The following ZFHX4 variants were observed in gnomAD, a reference collection of about 807,000 sequenced individuals.
The protein encoded by ZFHX4 is zinc finger homeobox 4, also known as zinc finger homeobox protein 4.
ZFHX4 carries 56 observed loss-of-function variants against 267.6 expected under a neutral mutation model. That is an observed-to-expected ratio of 0.21 (90% CI 0.17 to 0.26). The LOEUF is 0.26. Ranked by LOEUF, ZFHX4 falls within the 10% of genes least tolerant of loss-of-function variation. ZFHX4 has a pLI of 1.00. For missense variants in ZFHX4, 4,332 were observed against 4,420.0 expected, an observed-to-expected ratio of 0.98 and a Z score of 0.56; for synonymous variants, 1,778 against 1,665.6, an observed-to-expected ratio of 1.07 and a Z score of -1.64.
At chr8:76,833,630 C>A (rs572861871) in intron 5 of ZFHX4, 1 of 446,266 alleles carries the variant, frequency 2.2e-6, no homozygotes, top group Admixed American at 3.6e-5. Flanking sequence ...CAGCAAATTT[C>A]CCCAATACCC....
At chr8:76,795,435 G>C (rs1810953389) in intron 4 of ZFHX4, among the ~76,000 whole-genome samples, 1 of 151,870 alleles carries the variant, frequency 6.6e-6, no homozygotes, top group Admixed American at 6.6e-5. Flanking sequence ...CACCATGCCT[G>C]GCTAATTATT....
chr8:76,726,070 T>C lies in ZFHX4; in HGVS notation c.3093+18022T>C, dbSNP rs547203475. ...GACACTGGTGTGAAGCCTTTGAGTG[T>C]ACCTTCACGAAGAGCTCAAATGAAT... On this transcript the variant is annotated intron_variant, in intron 3 of 10. Transcript: ENST00000651372. Among the ~76,000 whole-genome samples, 3 of 152,270 alleles carry C rather than the reference T, an allele frequency of 2.0e-5. No individual in the cohort carries two copies. In the South Asian group the frequency reaches 6.2e-4, roughly 32 times the overall value.
At chr8:76,751,348 A>G (rs1479732541) in intron 3 of ZFHX4, among the ~76,000 whole-genome samples, 3 of 152,208 alleles carry the variant, frequency 2.0e-5, no homozygotes, top group African/African-American at 7.2e-5. Context: ...ATGGAAATTT[A>G]TTAGGCTTAA....
In ZFHX4 at chr8:76,854,473, G is replaced by A; in HGVS notation, c.7552G>A (p.Ala2518Thr). ...WQEHQHMHFL[A>T]AQNQFLHSPF... ...GGAACACCAGCACATGCACTTCCTT[G>A]CTGCTCAAAACCAATTCCTTCACTC... Residue 2518 changes from alanine (A) to threonine (T), a missense_variant, in exon 10 of 11, where the codon GCT becomes ACT. Coordinates refer to ENST00000651372, the MANE Select transcript of ZFHX4 (RefSeq NM_024721.5). The A allele has an allele frequency of 2.5e-6, 4 of 1,613,734 alleles. No individual in the cohort carries two copies. The highest frequency in any genetic ancestry group is 3.4e-6 in the Non-Finnish European group (4 of 1,179,834).
At chr8:76,834,156 T>G (rs748447965) in intron 5 of ZFHX4, 92 of 450,522 alleles carry the variant, frequency 2.0e-4, no homozygotes, top group Non-Finnish European at 3.8e-4. Flanking sequence ...TCTTGGTTGA[T>G]TCCAAGTTTT....
intron 3 of ZFHX4, among the ~76,000 whole-genome samples, chr8:76,715,383 G>A (rs1808538446): frequency 6.7e-6 from 1 of 150,274 alleles, no homozygotes; most frequent in African/African-American, 2.4e-5. Context: ...TCGGGAGGCT[G>A]AGGCAGGAGA....
In ZFHX4 at chr8:76,705,952, T is replaced by A; in HGVS notation, c.1864T>A (p.Leu622Met). The A allele has an allele frequency of 1.2e-6, 2 of 1,613,330 alleles. No individual in the cohort carries two copies. Reference sequence around the variant, plus strand: ...CGAGTGTCCAAAGTGCGACACTGTGTTGGGGTCTTCGAGGTCTCTTGGTGG... The same window carrying A: ...CGAGTGTCCAAAGTGCGACACTGTGATGGGGTCTTCGAGGTCTCTTGGTGG... ...GIECPKCDTV[L>M]GSSRSLGGHM... Residue 622 changes from leucine (L) to methionine (M), a missense_variant, in exon 2 of 11, where the codon TTG becomes ATG. Physicochemically the swap from Leu to Met is conservative, Grantham distance 15 (BLOSUM62 2). Transcript: ENST00000651372.
intron 3 of ZFHX4, among the ~76,000 whole-genome samples, chr8:76,755,512 T>A (rs919741168): frequency 2.6e-5 from 4 of 152,196 alleles, no homozygotes; most frequent in Admixed American, 1.3e-4. Context: ...ATAGGTAATA[T>A]AAAAGCGCGG....
At chr8:76,845,908 G>C (rs1193819592) in intron 6 of ZFHX4, among the ~76,000 whole-genome samples, 2 of 151,368 alleles carry the variant, frequency 1.3e-5, no homozygotes, top group East Asian at 3.9e-4. Flanking sequence ...CATTTTTTTT[G>C]AGGATATTGT....
At chr8:76,847,114 T>C (rs1331352320) in intron 6 of ZFHX4, among the ~76,000 whole-genome samples, 2 of 152,154 alleles carry the variant, frequency 1.3e-5, no homozygotes, top group East Asian at 3.9e-4. Context: ...TTTATACAAC[T>C]TGGTTTGACA....
intron 3 of ZFHX4, among the ~76,000 whole-genome samples, chr8:76,731,357 G>A (rs956991968): frequency 6.6e-6 from 1 of 152,164 alleles, no homozygotes; most frequent in African/African-American, 2.4e-5. Flanking sequence ...AGCAGGATTT[G>A]GATAGGTGGA....
Position 76,849,592 on chromosome 8 carries a change from G to T in ZFHX4, c.3726G>T (p.Val1242=), listed in dbSNP as rs376628513. 2.2e-4 allele frequency: 358 copies of T among 1,613,970 alleles called. 2 individuals carry two copies. The African/African-American group carries it at 3.7e-3, about 17-fold the overall frequency. ...TGCACGTCCTATCACAGCACTCGGTGCAGCCGGTCATCTGCTGTCCTCTCT... is the reference window on the plus strand; with the variant it reads ...TGCACGTCCTATCACAGCACTCGGTTCAGCCGGTCATCTGCTGTCCTCTCT... ...IQMHVLSQHS[V]QPVICCPLCQ... is the part of the protein sequence containing the mutation. The change falls in exon 8 of 11, where the codon GTG becomes GTT. Residue 1242 remains valine (V), a synonymous_variant. Coordinates refer to ENST00000651372, the MANE Select transcript of ZFHX4 (RefSeq NM_024721.5).
chr8:76,698,323 T>C lies in ZFHX4; in HGVS notation c.-46-5720T>C, dbSNP rs531265225. 9.9e-5 allele frequency among the ~76,000 whole-genome samples: 15 copies of C among 152,254 alleles called. No homozygotes were observed. In the South Asian group the frequency reaches 2.9e-3, roughly 29 times the overall value. On this transcript the variant is annotated intron_variant, in intron 1 of 10. Coordinates refer to ENST00000651372, the MANE Select transcript of ZFHX4 (RefSeq NM_024721.5). ...TAAAATGAGTCATATAATAGTGTAA[T>C]TTTGTTAAGGAGAGATTATTGATTC... is the stretch of plus-strand genomic sequence containing the variant.
intron 4 of ZFHX4, among the ~76,000 whole-genome samples, chr8:76,824,927 T>C (rs1263530797): frequency 3.3e-5 from 5 of 152,190 alleles, no homozygotes; most frequent in Admixed American, 1.3e-4. Context: ...CTGCTTTTAT[T>C]GCAGCATGTG....
intron 1 of ZFHX4, among the ~76,000 whole-genome samples, chr8:76,684,204 G>A (rs896380085): frequency 6.6e-6 from 1 of 151,754 alleles, no homozygotes; most frequent in African/African-American, 2.4e-5. Flanking sequence ...CTTTTCCACT[G>A]AAGAGCATAT....
intron 5 of ZFHX4, among the ~76,000 whole-genome samples, chr8:76,835,226 T>TAC (rs1812044733): frequency 2.0e-5 from 2 of 101,392 alleles, no homozygotes; most frequent in South Asian, 3.0e-4. Flanking sequence ...TATGTATATA[T>TAC]ATATATATAT....
Position 76,706,666 on chromosome 8 carries a change from G to A in ZFHX4, c.2578G>A (p.Ala860Thr), listed in dbSNP as rs1235188084. ...QLDPATAAALAPGLVNNELPP... is the reference protein window; with the variant it reads ...QLDPATAAALTPGLVNNELPP... ...GGATCCAGCGACAGCAGCGGCTTTG[G>A]CACCAGGGCTCGGTTAGTATTTCCT... The change falls in exon 2 of 11, where the codon GCA (alanine) becomes ACA (threonine). Residue 860 changes from alanine to threonine, a missense_variant. By Grantham distance (58) the Ala-to-Thr change is moderately conservative (BLOSUM62 0). Around this residue, in one of 7 missense-constraint regions of ZFHX4, gnomAD observed 1,195 missense variants for 1,173.6 expected, o/e 1.02. Coordinates refer to ENST00000651372, the MANE Select transcript of ZFHX4 (RefSeq NM_024721.5). 3 of 1,586,266 alleles carry A rather than the reference G, an allele frequency of 1.9e-6. No individual in the cohort carries two copies. Among genetic ancestry groups the A allele is most frequent in the South Asian group, 1.2e-5 (1 of 85,660 alleles).
At chr8:76,804,112 A>T (rs200452443) in intron 4 of ZFHX4, among the ~76,000 whole-genome samples, 1 of 152,250 alleles carries the variant, frequency 6.6e-6, no homozygotes, top group Admixed American at 6.6e-5. Context: ...TATTCCTGCC[A>T]TAATAAAATA....
At chr8:76,814,778 C>T (rs1221451655) in intron 4 of ZFHX4, among the ~76,000 whole-genome samples, 3 of 152,212 alleles carry the variant, frequency 2.0e-5, no homozygotes, top group East Asian at 1.9e-4. Flanking sequence ...CTCGTTCAAG[C>T]TCCTAACTTC....
Sources: gnomAD v4.1 joint callset for allele counts (sites outside exome capture counted in the v4.1 genomes callset) on GRCh38, gnomAD v4.1.1 for gene constraint, gnomAD v4.1.1 regional missense constraint, MANE v1.5 for transcripts, NCBI Gene and HGNC (gene_info 2026-07-23, HGNC 2026-07-21) for gene names.